PHACTR1: variants seen among roughly 807,000 people sequenced by gnomAD.
PHACTR1 encodes RPEL repeat containing 1.
Under a neutral mutation model 69.2 loss-of-function variants are expected in PHACTR1, and 16 were observed. The ratio of observed to expected loss-of-function variants is 0.23; its 90% CI spans 0.16 to 0.35. The LOEUF (loss-of-function observed/expected upper bound fraction) is 0.35. PHACTR1 is among the 10% of genes least tolerant of loss of function. The pLI is 1.00. For missense variants in PHACTR1, 510 were observed against 734.7 expected, an observed-to-expected ratio of 0.69 and a Z score of 3.54; for synonymous variants, 312 against 284.5, an observed-to-expected ratio of 1.10 and a Z score of -0.97.
At chr6:12,856,322 C>T (rs987407946) in intron 4 of PHACTR1, among the ~76,000 whole-genome samples, 1 of 146,030 alleles carries the variant, frequency 6.8e-6, no homozygotes, top group African/African-American at 2.5e-5. Flanking sequence ...GGCGCGATCT[C>T]GGCTTACTGC....
At chr6:12,757,906 G>A (rs554345488) in intron 4 of PHACTR1, among the ~76,000 whole-genome samples, 4 of 152,286 alleles carry the variant, frequency 2.6e-5, no homozygotes, top group African/African-American at 9.6e-5. Context: ...GAGGTCAGGA[G>A]TTCGAGACGA....
Position 13,143,436 on chromosome 6 carries a change from T to A in PHACTR1, c.416-16768T>A, listed in dbSNP as rs193090968. On this transcript the variant is annotated intron_variant, in intron 5 of 14. Transcript: ENST00000332995. ...ACTATTTATCCACAAAAACTTAAAA[T>A]TTAAAAAGATATATAAATCGTTTTC... Among the ~76,000 whole-genome samples the A allele has an allele frequency of 1.0e-3, 152 of 152,284 alleles. 2 individuals are homozygous for A. The East Asian group carries it at 0.014, about 14-fold the overall frequency.
chr6:12,941,825 G>A (rs1790092227), intron 4 of PHACTR1, among the ~76,000 whole-genome samples: 1 of 152,148 alleles, frequency 6.6e-6, no homozygotes, highest in African/African-American at 2.4e-5. Context: ...GGCTTGCACT[G>A]GCATAGAAAA....
chr6:12,845,538 T>A (rs1779177763), intron 4 of PHACTR1, among the ~76,000 whole-genome samples: 1 of 151,256 alleles, frequency 6.6e-6, no homozygotes, highest in Non-Finnish European at 1.5e-5. Context: ...CAGGGATTAC[T>A]GTTTCTGTTC....
At chr6:12,960,258 C>T (rs1448252994) in intron 4 of PHACTR1, among the ~76,000 whole-genome samples, 2 of 152,150 alleles carry the variant, frequency 1.3e-5, no homozygotes, top group Non-Finnish European at 1.5e-5. Flanking sequence ...ACACTTAGTG[C>T]CTGAAAAAGT....
intron 4 of PHACTR1, chr6:12,957,648 C>G (rs1792064359): frequency 1.0e-6 from 1 of 985,556 alleles, no homozygotes; most frequent in African/African-American, 1.7e-5. Flanking sequence ...GCCAACTGTT[C>G]TGGGCTCTGA....
intron 5 of PHACTR1, among the ~76,000 whole-genome samples, chr6:13,094,810 GAAA>G (rs1196640938): frequency 6.6e-6 from 1 of 152,030 alleles, no homozygotes; most frequent in Non-Finnish European, 1.5e-5. Flanking sequence ...AAAGTTTGGA[GAAA>G]AAAATATGCA....
intron 5 of PHACTR1, among the ~76,000 whole-genome samples, chr6:13,157,546 TGA>T (rs1172310312): frequency 2.6e-5 from 4 of 152,220 alleles, no homozygotes; most frequent in African/African-American, 9.6e-5. Flanking sequence ...GTGCTTAGCC[TGA>T]GAACATCCAC....
At chr6:13,040,385 T>G (rs1803958093) in intron 4 of PHACTR1, among the ~76,000 whole-genome samples, 1 of 152,230 alleles carries the variant, frequency 6.6e-6, no homozygotes, top group African/African-American at 2.4e-5. Context: ...AGAGCTAATT[T>G]AGTTAAGATG....
At chr6:13,100,393 T>C (rs553450951) in intron 5 of PHACTR1, among the ~76,000 whole-genome samples, 2 of 152,336 alleles carry the variant, frequency 1.3e-5, no homozygotes, top group African/African-American at 4.8e-5. Flanking sequence ...ATAACTTGTC[T>C]GCCTGTAGTA....
intron 10 of PHACTR1, among the ~76,000 whole-genome samples, chr6:13,252,722 T>TA (rs1242956853): frequency 2.0e-5 from 3 of 152,088 alleles, no homozygotes; most frequent in South Asian, 2.1e-4. Context: ...GGAAAACACT[T>TA]AGAGATTAAT....
intron 4 of PHACTR1, among the ~76,000 whole-genome samples, chr6:12,991,786 C>T (rs1012024863): frequency 2.0e-5 from 3 of 152,132 alleles, no homozygotes; most frequent in African/African-American, 7.2e-5. Flanking sequence ...GAGGAGATCA[C>T]GTGCACAGTA....
At chr6:13,117,535 A>G (rs1441759278) in intron 5 of PHACTR1, among the ~76,000 whole-genome samples, 1 of 152,176 alleles carries the variant, frequency 6.6e-6, no homozygotes, top group Non-Finnish European at 1.5e-5. Context: ...GCTTAATTCA[A>G]CCAAACAAGT....
chr6:12,871,752 T>C (rs1024675632), intron 4 of PHACTR1, among the ~76,000 whole-genome samples: 3 of 152,208 alleles, frequency 2.0e-5, no homozygotes, highest in African/African-American at 7.2e-5. Flanking sequence ...CGCCAATCTT[T>C]CACCTAAACA....
intron 4 of PHACTR1, chr6:12,957,892 G>A (rs1423068397): frequency 2.0e-6 from 2 of 985,284 alleles, no homozygotes; most frequent in South Asian, 4.7e-5. Flanking sequence ...GAGGCTGCAT[G>A]GGCGTGTGTA....
intron 4 of PHACTR1, among the ~76,000 whole-genome samples, chr6:12,918,544 C>T (rs375729662): frequency 2.6e-5 from 4 of 152,136 alleles, no homozygotes; most frequent in East Asian, 3.8e-4. Context: ...GTGAGAGATG[C>T]CATCGTTATC....
At chr6:12,784,430 A>G (rs1771247708) in intron 4 of PHACTR1, among the ~76,000 whole-genome samples, 1 of 151,388 alleles carries the variant, frequency 6.6e-6, no homozygotes, top group South Asian at 2.1e-4. Context: ...ACACATATAC[A>G]TATACACACA....
intron 4 of PHACTR1, among the ~76,000 whole-genome samples, chr6:13,025,415 G>A (rs1424308443): frequency 6.6e-6 from 1 of 152,148 alleles, no homozygotes; most frequent in Non-Finnish European, 1.5e-5. Flanking sequence ...TCTGGTTTAG[G>A]CCAGATGGGC....
rs1181024241 is a variant in PHACTR1 at position 13,203,964 on chromosome 6, G to T, written c.665-1851G>T. 2.0e-5 allele frequency among the ~76,000 whole-genome samples: 3 copies of T among 152,166 alleles called. No individual in the cohort carries two copies. In the South Asian group the frequency reaches 6.2e-4, roughly 32 times the overall value. ...TTGGGAGAATGGCCAAGGCCACCTGGTCAACTTTGTTGAGCATGGAGACCC... is the reference window on the plus strand; with the variant it reads ...TTGGGAGAATGGCCAAGGCCACCTGTTCAACTTTGTTGAGCATGGAGACCC... On this transcript the variant is annotated intron_variant, in intron 7 of 14. Coordinates refer to ENST00000332995, the MANE Select transcript of PHACTR1 (RefSeq NM_030948.6).
Sources: allele counts gnomAD v4.1 joint callset (sites outside exome capture counted in the v4.1 genomes callset), GRCh38; gene constraint gnomAD v4.1.1; transcripts MANE v1.5; gene names NCBI Gene and HGNC (gene_info 2026-07-23, HGNC 2026-07-21).